RBPJ: variants seen among roughly 807,000 people sequenced by gnomAD.
RBPJ encodes the protein recombining binding protein suppressor of hairless.
Under a neutral mutation model 67.8 loss-of-function variants are expected in RBPJ, and 9 were observed. That is an observed-to-expected ratio of 0.13 (90% CI 0.08 to 0.23). The LOEUF is 0.23. Among genes scored for constraint, RBPJ ranks in the 10% least tolerant of loss-of-function variants. RBPJ has a pLI of 1.00. For synonymous variants in RBPJ, 198 were observed against 203.3 expected, an observed-to-expected ratio of 0.97 and a Z score of 0.22; for missense variants, 305 against 595.6, an observed-to-expected ratio of 0.51 and a Z score of 5.08.
chr4:26,202,263 A>C (rs1718005909), intron 1 of RBPJ, among the ~76,000 whole-genome samples: 1 of 152,096 alleles, frequency 6.6e-6, no homozygotes, highest in South Asian at 2.1e-4. Context: ...TTCTAAAAAA[A>C]GACAACCAGA....
chr4:26,398,452 A>G (rs1023607950), intron 2 of RBPJ, among the ~76,000 whole-genome samples: 4 of 152,200 alleles, frequency 2.6e-5, no homozygotes, highest in Non-Finnish European at 2.9e-5. Flanking sequence ...AGTGTTTTCC[A>G]TATGTCTTGG....
intron 2 of RBPJ, among the ~76,000 whole-genome samples, chr4:26,396,391 G>A (rs1732121530): frequency 6.6e-6 from 1 of 152,222 alleles, no homozygotes; most frequent in Non-Finnish European, 1.5e-5. Context: ...AGACTATGCG[G>A]TCTGATCCCT....
At chr4:26,190,880 T>C (rs1717458706) in intron 1 of RBPJ, among the ~76,000 whole-genome samples, 1 of 151,866 alleles carries the variant, frequency 6.6e-6, no homozygotes, top group African/African-American at 2.4e-5. Context: ...GCACAGTGGT[T>C]CATGCCTATA....
At chr4:26,117,750 A>G in the RBPJ span, among the ~76,000 whole-genome samples, 1 of 152,180 alleles carries the variant, frequency 6.6e-6, no homozygotes, top group Non-Finnish European at 1.5e-5. Context: ...AATGCTTGGT[A>G]TTTCTGTGAA....
At chr4:26,315,167 A>AATATATATATATATATATATAT (rs67496694), upstream of RBPJ, among the ~76,000 whole-genome samples, 1 of 74,764 alleles carries the variant, frequency 1.3e-5, no homozygotes, top group Non-Finnish European at 2.3e-5. Flanking sequence ...AAAAAAAAAA[A>AATATATATATATATATATATAT]ATATATATAT....
the RBPJ span, among the ~76,000 whole-genome samples, chr4:26,133,121 C>A: frequency 2.0e-5 from 3 of 152,382 alleles, no homozygotes; most frequent in Non-Finnish European, 4.4e-5. Flanking sequence ...TCCTCTCTGG[C>A]CAAACCATTT....
intron 1 of RBPJ, among the ~76,000 whole-genome samples, chr4:26,250,328 CTTTTTTTT>C (rs869105820): frequency 8.3e-6 from 1 of 120,682 alleles, no homozygotes; most frequent in Non-Finnish European, 1.7e-5. Flanking sequence ...GACTCCATTC[CTTTTTTTT>C]TTTTTTTTTT....
At chr4:26,215,270 A>AGGGG (rs1718660302) in intron 1 of RBPJ, among the ~76,000 whole-genome samples, 2 of 43,524 alleles carry the variant, frequency 4.6e-5, no homozygotes, top group East Asian at 1.4e-3. Flanking sequence ...GAAGGGAGGG[A>AGGGG]GGAAAAAGAG....
At chr4:26,304,491 C>T (rs1294770923) in intron 1 of RBPJ, among the ~76,000 whole-genome samples, 4 of 152,228 alleles carry the variant, frequency 2.6e-5, no homozygotes, top group Non-Finnish European at 5.9e-5. Flanking sequence ...TTTCCACAAC[C>T]TTGTCAACAT....
At chr4:26,244,372 T>C (rs1459162494) in intron 1 of RBPJ, among the ~76,000 whole-genome samples, 1 of 141,350 alleles carries the variant, frequency 7.1e-6, no homozygotes, top group Non-Finnish European at 1.6e-5. Flanking sequence ...TGCACATATG[T>C]GTACACGTGT....
chr4:26,407,891 T>C (rs1220484788), intron 3 of RBPJ, among the ~76,000 whole-genome samples: 2 of 127,076 alleles, frequency 1.6e-5, no homozygotes, highest in African/African-American at 6.0e-5. Flanking sequence ...TTCTTTTTTT[T>C]TTTTTTTTTT....
At chr4:26,429,470 C>T (rs562287106) in intron 8 of RBPJ, among the ~76,000 whole-genome samples, 1 of 152,292 alleles carries the variant, frequency 6.6e-6, no homozygotes, top group South Asian at 2.1e-4. Flanking sequence ...GCCTTCCCAT[C>T]TTGATTCCCT....
chr4:26,422,354 G>A (rs1735226156), intron 5 of RBPJ, among the ~76,000 whole-genome samples: 1 of 152,086 alleles, frequency 6.6e-6, no homozygotes, highest in Non-Finnish European at 1.5e-5. Flanking sequence ...ATTAAATGCT[G>A]CAAAATGGTG....
chr4:26,310,723 G>A (rs374879934), intron 1 of RBPJ, among the ~76,000 whole-genome samples: 1 of 145,762 alleles, frequency 6.9e-6, no homozygotes, highest in Non-Finnish European at 1.5e-5. Flanking sequence ...AGGCTGGAGC[G>A]CAATGGCACG....
At chr4:26,352,288 C>G (rs1409718359) in intron 1 of RBPJ, among the ~76,000 whole-genome samples, 2 of 152,140 alleles carry the variant, frequency 1.3e-5, no homozygotes, top group Non-Finnish European at 2.9e-5. Flanking sequence ...TAGATGGTGT[C>G]TTCTAGCTGT....
intron 1 of RBPJ, among the ~76,000 whole-genome samples, chr4:26,237,439 G>A (rs1368239789): frequency 6.6e-6 from 1 of 152,164 alleles, no homozygotes; most frequent in Non-Finnish European, 1.5e-5. Context: ...TTTGCACGGT[G>A]TTAAAGACTC....
intron 1 of RBPJ, among the ~76,000 whole-genome samples, chr4:26,186,082 A>G (rs1717243510): frequency 6.6e-6 from 1 of 151,742 alleles, no homozygotes; most frequent in South Asian, 2.1e-4. Flanking sequence ...AGAAAGAAAC[A>G]GGAATGGAAC....
intron 2 of RBPJ, among the ~76,000 whole-genome samples, chr4:26,396,260 T>C: frequency 6.6e-6 from 1 of 152,244 alleles, no homozygotes; most frequent in East Asian, 1.9e-4. Flanking sequence ...AACTAATTAG[T>C]CCATAAATGG....
rs1718363420 is a variant in RBPJ at position 26,210,694 on chromosome 4, T to TC, written c.-167+47081dup. Reference sequence around the variant, plus strand: ...TCTTTCTTTCTTTCTTTCCTTTCTTTCTTTCTTTCTTTCCTTCTTTCCTTC... The same window carrying TC: ...TCTTTCTTTCTTTCTTTCCTTTCTTTCCTTTCTTTCTTTCCTTCTTTCCTTC... On this transcript the variant is annotated intron_variant, in intron 1 of 4. Transcript: ENST00000512351. 6.0e-5 allele frequency among the ~76,000 whole-genome samples: 7 copies of TC among 117,082 alleles called. 1 individual carries two copies. The highest frequency in any genetic ancestry group is 2.2e-4 in the African/African-American group (7 of 31,416). The allele number at this position is 117,082 out of a possible 152,430, so 76.8% of individuals were successfully genotyped here.
Sources: gnomAD v4.1 joint callset for allele counts (sites outside exome capture counted in the v4.1 genomes callset) on GRCh38, gnomAD v4.1.1 for gene constraint, MANE v1.5 for transcripts, NCBI Gene and HGNC (gene_info 2026-07-23, HGNC 2026-07-21) for gene names.